Variants in DCDC2 observed in about 807,000 individuals in gnomAD.
DCDC2 encodes doublecortin domain-containing protein 2.
Under a neutral mutation model 50.2 loss-of-function variants are expected in DCDC2, and 40 were observed. The observed-to-expected ratio is 0.80, with a 90% CI of 0.62 to 1.04. DCDC2 has a LOEUF of 1.04. Ranked by LOEUF, DCDC2 falls within the 50% of genes least tolerant of loss-of-function variation. The pLI is 0.00. For synonymous variants in DCDC2, 234 were observed against 210.6 expected (o/e 1.11, Z -0.96); for missense variants, 570 against 581.9 (o/e 0.98, Z 0.21).
intron 2 of DCDC2, among the ~76,000 whole-genome samples, chr6:24,336,180 T>C (rs574079009): frequency 3.3e-5 from 5 of 152,322 alleles, no homozygotes; most frequent in African/African-American, 1.2e-4. Context: ...CCTGGTGACA[T>C]AGTGTAATCT....
intron 5 of DCDC2, among the ~76,000 whole-genome samples, chr6:24,289,784 T>C (rs1186644207): frequency 6.6e-6 from 1 of 152,156 alleles, no homozygotes; most frequent in African/African-American, 2.4e-5. Context: ...TCCATCAAGT[T>C]ACACAAATTG....
At chr6:24,215,679 A>T (rs1040499072) in intron 7 of DCDC2, among the ~76,000 whole-genome samples, 4 of 152,174 alleles carry the variant, frequency 2.6e-5, no homozygotes, top group Non-Finnish European at 5.9e-5. Context: ...TAGCCAGGAG[A>T]TTTCAAAGCA....
intron 7 of DCDC2, among the ~76,000 whole-genome samples, chr6:24,246,264 T>A (rs1762668912): frequency 6.6e-6 from 1 of 152,146 alleles, no homozygotes; most frequent in Non-Finnish European, 1.5e-5. Context: ...TAGGTATAAA[T>A]CATGAAATGA....
chr6:24,381,966 A>C, the DCDC2 span, among the ~76,000 whole-genome samples: 1 of 105,488 alleles, frequency 9.5e-6, no homozygotes, highest in Non-Finnish European at 2.0e-5. Flanking sequence ...GAAAGAAGGA[A>C]GGAAGGAAGG....
chr6:24,273,941 T>C (rs138268049), intron 7 of DCDC2, among the ~76,000 whole-genome samples: 2 of 152,176 alleles, frequency 1.3e-5, no homozygotes, highest in Non-Finnish European at 2.9e-5. Flanking sequence ...ACAAGTTTCA[T>C]GGAAACTATC....
At chr6:24,187,429 G>A (rs1761229002) in intron 8 of DCDC2, among the ~76,000 whole-genome samples, 3 of 152,104 alleles carry the variant, frequency 2.0e-5, no homozygotes, top group African/African-American at 7.2e-5. Context: ...TGCTCCCTCA[G>A]GTGGCCGTCA....
chr6:24,330,192 C>T (rs1759942138), intron 2 of DCDC2, among the ~76,000 whole-genome samples: 1 of 152,156 alleles, frequency 6.6e-6, no homozygotes, highest in Non-Finnish European at 1.5e-5. Flanking sequence ...CAATTCCTGG[C>T]TGATCCCTCC....
At chr6:24,358,322 T>A (rs1760522426), upstream of DCDC2, 1 of 174,834 alleles carries the variant, frequency 5.7e-6, no homozygotes, top group Non-Finnish European at 1.4e-5. Context: ...GGAAGATAAA[T>A]GTGCAAAGCC....
rs375119774 is a variant in DCDC2, at chr6:24,178,373, T to C, written c.1283A>G (p.Asp428Gly). ...QVNNELQLVL[D>G]KERKSQGAGS... is the part of the protein sequence containing the mutation. ...AGCTCCTTGAGACTTTCTTTCCTTG[T>C]CTAGGACCAGTTGAAGCTCATTATT... Residue 428 changes from aspartate (D) to glycine (G), a missense_variant, in exon 9 of 10, where the codon GAC becomes GGC. Physicochemically the swap from Asp to Gly is moderately conservative, Grantham distance 94. Transcript: ENST00000378454. The C allele has an allele frequency of 6.2e-7, 1 of 1,614,214 alleles. No individual in the cohort carries two copies. Among genetic ancestry groups the C allele is most frequent in the Admixed American group, 1.7e-5 (1 of 60,030 alleles).
At chr6:24,184,957 C>T (rs1046672098) in intron 8 of DCDC2, among the ~76,000 whole-genome samples, 2 of 152,158 alleles carry the variant, frequency 1.3e-5, no homozygotes, top group Admixed American at 6.5e-5. Flanking sequence ...ATATGGTCCT[C>T]GCCTCTCTGA....
chr6:24,252,342 G>T (rs1554113953), intron 7 of DCDC2, among the ~76,000 whole-genome samples: 1 of 152,088 alleles, frequency 6.6e-6, no homozygotes, highest in Admixed American at 6.6e-5. Flanking sequence ...ACAATGTCAG[G>T]AATTTCTAAA....
chr6:24,213,936 T>C (rs1002046907), intron 7 of DCDC2, among the ~76,000 whole-genome samples: 5 of 152,176 alleles, frequency 3.3e-5, no homozygotes, highest in African/African-American at 1.2e-4. Flanking sequence ...TGAGTGCCTC[T>C]AATTGAATAC....
chr6:24,373,182 A>T, the DCDC2 span, among the ~76,000 whole-genome samples: 2 of 152,228 alleles, frequency 1.3e-5, no homozygotes, highest in African/African-American at 4.8e-5. Flanking sequence ...ATTATTTGGC[A>T]TGTCCTATAA....
At chr6:24,339,342 C>T (rs1378423947) in intron 2 of DCDC2, among the ~76,000 whole-genome samples, 1 of 152,108 alleles carries the variant, frequency 6.6e-6, no homozygotes, top group Non-Finnish European at 1.5e-5. Context: ...TGCGTACGGC[C>T]CCATCTTCTC....
At chr6:24,276,685 T>C (rs967644433) in intron 7 of DCDC2, among the ~76,000 whole-genome samples, 8 of 152,140 alleles carry the variant, frequency 5.3e-5, no homozygotes, top group Non-Finnish European at 1.2e-4. Flanking sequence ...GCTAATTTCT[T>C]TTCTTTGATT....
At chr6:24,230,285 T>A (rs892064599) in intron 7 of DCDC2, among the ~76,000 whole-genome samples, 1 of 152,076 alleles carries the variant, frequency 6.6e-6, no homozygotes, top group East Asian at 1.9e-4. Context: ...GTAAGTGCCA[T>A]GAAGTGCTAG....
At chr6:24,345,384 T>TCA (rs1760235900) in intron 2 of DCDC2, among the ~76,000 whole-genome samples, 1 of 152,156 alleles carries the variant, frequency 6.6e-6, no homozygotes, top group Non-Finnish European at 1.5e-5. Context: ...TTAAGGACAT[T>TCA]CACCTGAGTA....
chr6:24,321,645 TA>T (rs1759776050), intron 2 of DCDC2, among the ~76,000 whole-genome samples: 1 of 152,172 alleles, frequency 6.6e-6, no homozygotes, highest in African/African-American at 2.4e-5. Flanking sequence ...TTGTCAACTT[TA>T]TGACCCAGAA....
chr6:24,334,755 G>A (rs1179130220), intron 2 of DCDC2, among the ~76,000 whole-genome samples: 1 of 152,156 alleles, frequency 6.6e-6, no homozygotes, highest in Non-Finnish European at 1.5e-5. Flanking sequence ...GAAACACACT[G>A]GTGAAGAATG....
Sources: allele counts gnomAD v4.1 joint callset (sites outside exome capture counted in the v4.1 genomes callset), GRCh38; gene constraint gnomAD v4.1.1; transcripts MANE v1.5; gene names NCBI Gene and HGNC (gene_info 2026-07-23, HGNC 2026-07-21).